Variants in ABCA13 observed in about 807,000 individuals in gnomAD.
The protein encoded by ABCA13 is ATP binding cassette subfamily A member 13.
ABCA13 carries 476 observed loss-of-function variants against 478.7 expected under a neutral mutation model. The observed-to-expected ratio is 0.99, with a 90% CI of 0.92 to 1.07. ABCA13 has a LOEUF of 1.07. Ranked by LOEUF, ABCA13 falls within the 50% of genes least tolerant of loss-of-function variation. The pLI, the probability that ABCA13 is intolerant of heterozygous loss-of-function variation, is 0.00. For missense variants in ABCA13, 6,060 were observed against 5,910.6 expected (o/e 1.03, Z -0.83); for synonymous variants, 2,252 against 2,158.9 (o/e 1.04, Z -1.20).
Position 48,219,505 on chromosome 7 carries a change from G to T in ABCA13, c.439G>T (p.Asp147Tyr). ...RLWVERSNTPDSSYGSSFFTM... is the reference protein window; with the variant it reads ...RLWVERSNTPYSSYGSSFFTM... Reference sequence around the variant, plus strand: ...TTGGGTAGAACGATCCAACACTCCAGGCAAGTAAACCTCTCATAACTGTGA... The same window carrying T: ...TTGGGTAGAACGATCCAACACTCCATGCAAGTAAACCTCTCATAACTGTGA... The change falls in exon 4 of 62, where the codon GAT becomes TAT. Residue 147 changes from aspartate to tyrosine, a missense_variant and splice_region_variant. Asp to Tyr is a radical substitution (Grantham distance 160). Transcript: ENST00000435803. 3.1e-6 allele frequency: 5 copies of T among 1,607,774 alleles called. No homozygotes were observed. Among genetic ancestry groups the T allele is most frequent in the Non-Finnish European group, 4.2e-6 (5 of 1,178,024 alleles).
rs546626819 is a variant in ABCA13, at chr7:48,202,988, G to A, written c.287+4628G>A. On this transcript the variant is annotated intron_variant, in intron 3 of 61. Coordinates refer to ENST00000435803, the MANE Select transcript of ABCA13 (RefSeq NM_152701.5). ...GGCGGCGCTCGTCGGGGAGGCTTGGGCTGCACAGGAACCCACGGAGGTGGG... is the reference window on the plus strand; with the variant it reads ...GGCGGCGCTCGTCGGGGAGGCTTGGACTGCACAGGAACCCACGGAGGTGGG... 7.5e-4 allele frequency among the ~76,000 whole-genome samples: 115 copies of A among 152,344 alleles called. 3 individuals carry two copies. In the South Asian group the frequency reaches 0.022, roughly 29 times the overall value.
chr7:48,279,596 C>T lies in ABCA13; in HGVS notation c.8402C>T (p.Thr2801Ile). 1 of 1,613,076 alleles carries T rather than the reference C, an allele frequency of 6.2e-7. No homozygotes were observed. Among genetic ancestry groups the T allele is most frequent in the Non-Finnish European group, 8.5e-7 (1 of 1,179,506 alleles). Residue 2801 changes from threonine to isoleucine, a missense_variant, in exon 18 of 62, where the codon ACA becomes ATA. Transcript: ENST00000435803. ...TTGAATAAAAGTTTATATTTTGACACACCTTTGAGTCAGAATATAACTCAT... is the reference window on the plus strand; with the variant it reads ...TTGAATAAAAGTTTATATTTTGACATACCTTTGAGTCAGAATATAACTCAT... ...GDLNKSLYFDTPLSQNITHHQ... is the reference protein window; with the variant it reads ...GDLNKSLYFDIPLSQNITHHQ...
intron 41 of ABCA13, among the ~76,000 whole-genome samples, chr7:48,418,983 T>C (rs1303358643): frequency 6.6e-6 from 1 of 152,162 alleles, no homozygotes; most frequent in Non-Finnish European, 1.5e-5. Context: ...CATCTGCTTC[T>C]GGGGATGGAA....
intron 55 of ABCA13, among the ~76,000 whole-genome samples, chr7:48,532,876 T>C (rs1833333108): frequency 6.6e-6 from 1 of 152,120 alleles, no homozygotes; most frequent in Non-Finnish European, 1.5e-5. Context: ...TAATTGAGCT[T>C]ATTTGAATCT....
At chr7:48,331,613 A>G (rs1805414886) in intron 27 of ABCA13, among the ~76,000 whole-genome samples, 1 of 152,226 alleles carries the variant, frequency 6.6e-6, no homozygotes, top group African/African-American at 2.4e-5. Flanking sequence ...ATTTGTAAGA[A>G]AAAACATGGA....
At chr7:48,304,332 G>A (rs146252306) in intron 23 of ABCA13, among the ~76,000 whole-genome samples, 2 of 152,290 alleles carry the variant, frequency 1.3e-5, no homozygotes, top group African/African-American at 4.8e-5. Flanking sequence ...CAGCAGCCAT[G>A]GCCTCACTGA....
chr7:48,201,499 A>C (rs1584143217), intron 3 of ABCA13, among the ~76,000 whole-genome samples: 1 of 152,190 alleles, frequency 6.6e-6, no homozygotes, highest in Admixed American at 6.5e-5. Flanking sequence ...AGGCGGGTGG[A>C]TCACGAGGTC....
At chr7:48,239,568 A>G (rs1428554336) in intron 9 of ABCA13, among the ~76,000 whole-genome samples, 163 bp downstream of exon 9, 3 of 152,188 alleles carry the variant, frequency 2.0e-5, no homozygotes, top group Non-Finnish European at 4.4e-5. Context: ...ACCTTGTCCC[A>G]TGTGCATCAA....
chr7:48,462,504 G>A (rs1459644796), intron 43 of ABCA13, among the ~76,000 whole-genome samples: 3 of 151,498 alleles, frequency 2.0e-5, no homozygotes, highest in Non-Finnish European at 4.4e-5. Context: ...TCAGTTCAGG[G>A]TAATTTTTTT....
chr7:48,588,588 A>C (rs547549221), intron 57 of ABCA13, among the ~76,000 whole-genome samples: 1 of 152,344 alleles, frequency 6.6e-6, no homozygotes, highest in South Asian at 2.1e-4. Context: ...TTGCTTCTGC[A>C]GCTGCCCAAC....
chr7:48,541,905 AT>A (rs202022935), intron 55 of ABCA13, among the ~76,000 whole-genome samples: 75 of 146,104 alleles, frequency 5.1e-4, no homozygotes, highest in Non-Finnish European at 4.6e-4. Context: ...TAAAAAAGGT[AT>A]TTTTTTTTTT....
intron 25 of ABCA13, among the ~76,000 whole-genome samples, chr7:48,313,900 G>A (rs1802140559): frequency 6.6e-6 from 1 of 152,076 alleles, no homozygotes; most frequent in Non-Finnish European, 1.5e-5. Context: ...ATTAAGACTA[G>A]TAATTAGTCT....
chr7:48,342,675 T>A (rs1479909898), intron 29 of ABCA13, among the ~76,000 whole-genome samples: 1 of 152,182 alleles, frequency 6.6e-6, no homozygotes, highest in Non-Finnish European at 1.5e-5. Context: ...TGATCACTTC[T>A]CTCTCTGCTT....
chr7:48,266,280 C>A (rs35688896), intron 15 of ABCA13, among the ~76,000 whole-genome samples: 40,972 of 151,474 alleles, frequency 0.27, 6,264 homozygotes, highest in Non-Finnish European at 0.36. Context: ...ATCATAACCT[C>A]ATAGAATTAT....
intron 1 of ABCA13, among the ~76,000 whole-genome samples, chr7:48,190,750 T>C (rs548074438): frequency 2.6e-5 from 4 of 152,314 alleles, no homozygotes; most frequent in Admixed American, 2.6e-4. Flanking sequence ...GAACTATAAG[T>C]GCTGTTATGG....
chr7:48,610,479 G>A (rs1158054857), intron 58 of ABCA13, among the ~76,000 whole-genome samples: 1 of 152,188 alleles, frequency 6.6e-6, no homozygotes, highest in Non-Finnish European at 1.5e-5. Flanking sequence ...GTCAGTGGAT[G>A]TACCATTCTG....
intron 55 of ABCA13, among the ~76,000 whole-genome samples, chr7:48,533,563 G>A (rs1918581): frequency 0.14 from 21,046 of 151,858 alleles, 1,825 homozygotes; most frequent in African/African-American, 0.23. Context: ...TTCTGTCTTG[G>A]TGACCTGACT....
At chr7:48,428,197 T>A (rs1395738872) in intron 42 of ABCA13, among the ~76,000 whole-genome samples, 1 of 152,198 alleles carries the variant, frequency 6.6e-6, no homozygotes, top group African/African-American at 2.4e-5. Context: ...AACAAACTGA[T>A]CTGGCCTACC....
intron 43 of ABCA13, among the ~76,000 whole-genome samples, chr7:48,458,987 G>A (rs1415885772): frequency 2.6e-5 from 4 of 152,174 alleles, no homozygotes; most frequent in African/African-American, 4.8e-5. Context: ...GGTCTGGTCA[G>A]CCATTCATGA....
Sources: allele counts gnomAD v4.1 joint callset (sites outside exome capture counted in the v4.1 genomes callset), GRCh38; gene constraint gnomAD v4.1.1; transcripts MANE v1.5; gene names NCBI Gene and HGNC (gene_info 2026-07-23, HGNC 2026-07-21).